ADCY7: variants seen among roughly 807,000 people sequenced by gnomAD.
The protein encoded by ADCY7 is adenylate cyclase 7.
Under a neutral mutation model 120.6 loss-of-function variants are expected in ADCY7, and 72 were observed. The observed-to-expected ratio is 0.60, with a 90% CI of 0.49 to 0.73. ADCY7 has a LOEUF of 0.73. ADCY7 is among the 30% of genes least tolerant of loss of function. The pLI, the probability that ADCY7 is intolerant of heterozygous loss-of-function variation, is 0.00. For missense variants in ADCY7, 1,227 were observed against 1,486.0 expected (o/e 0.83, Z 2.87); for synonymous variants, 661 against 628.0 (o/e 1.05, Z -0.78).
At chr16:50,246,611 C>G (rs887652915) in intron 1 of ADCY7, among the ~76,000 whole-genome samples, 1 of 152,224 alleles carries the variant, frequency 6.6e-6, no homozygotes, top group Non-Finnish European at 1.5e-5. Flanking sequence ...AAACACTGCA[C>G]AGGGTAGCAG....
chr16:50,305,429 C>A, intron 12 of ADCY7, 74 bp from the exon 13 acceptor site: 2 of 1,344,970 alleles, frequency 1.5e-6, no homozygotes, highest in South Asian at 1.2e-5. Flanking sequence ...CCACTGGTGT[C>A]TACGTCCACA....
intron 10 of ADCY7, among the ~76,000 whole-genome samples, chr16:50,303,680 C>A (rs995564050): frequency 6.6e-6 from 1 of 152,168 alleles, no homozygotes; most frequent in Non-Finnish European, 1.5e-5. Flanking sequence ...CCTGGCTGAA[C>A]TACTGAGTGT....
chr16:50,266,754 G>A (rs1386390899), intron 1 of ADCY7, 74 bp downstream of exon 1: 1 of 152,656 alleles, frequency 6.6e-6, no homozygotes, highest in African/African-American at 2.4e-5. Flanking sequence ...GCTGGACAGT[G>A]GGTGGGAAGC....
Position 50,294,703 on chromosome 16 carries a change from G to A in ADCY7, c.900G>A (p.Leu300=). The A allele has an allele frequency of 6.2e-7, 1 of 1,613,786 alleles. No individual in the cohort carries two copies. The highest frequency in any genetic ancestry group is 8.5e-7 in the Non-Finnish European group (1 of 1,179,830). Residue 300 remains leucine (L), a synonymous_variant, in exon 7 of 26, where the codon CTG becomes CTA. Coordinates refer to ENST00000673801, the MANE Select transcript of ADCY7 (RefSeq NM_001114.5). ...CCAGCGACTGTTCTCCCAAGGAGCT[G>A]GTGGTGGTGCTGAATGAGCTCTTTG... ...QLASDCSPKE[L]VVVLNELFGK...
intron 7 of ADCY7, among the ~76,000 whole-genome samples, chr16:50,296,906 G>C (rs1196356795): frequency 6.6e-6 from 1 of 152,250 alleles, no homozygotes; most frequent in Non-Finnish European, 1.5e-5. Flanking sequence ...CAGAGGGCCT[G>C]TCTAGCCTGG....
At chr16:50,265,228 T>TGA, upstream of ADCY7, among the ~76,000 whole-genome samples, 1 of 152,242 alleles carries the variant, frequency 6.6e-6, no homozygotes, top group African/African-American at 2.4e-5. Flanking sequence ...TTCCCCTCTT[T>TGA]TGATGATGAT....
At chr16:50,250,760 CTG>C (rs146681561) in intron 1 of ADCY7, among the ~76,000 whole-genome samples, 1,623 of 152,148 alleles carry the variant, frequency 0.011, 31 homozygotes, top group African/African-American at 0.037. Context: ...GATCTGATAA[CTG>C]TTTATATGAG....
At chr16:50,257,244 C>CA (rs1433375963) in intron 1 of ADCY7, among the ~76,000 whole-genome samples, 2 of 144,174 alleles carry the variant, frequency 1.4e-5, no homozygotes, top group South Asian at 2.3e-4. Flanking sequence ...CCACCACCAA[C>CA]AAAAAAATCC....
intron 11 of ADCY7, 150 bp downstream of exon 11, chr16:50,304,701 G>A: frequency 9.6e-7 from 1 of 1,041,180 alleles, no homozygotes; most frequent in East Asian, 2.6e-5. Context: ...GGGCTGGAGA[G>A]GAAGCAAAGA....
At chr16:50,280,746 C>T (rs2034207339) in intron 1 of ADCY7, among the ~76,000 whole-genome samples, 1 of 152,196 alleles carries the variant, frequency 6.6e-6, no homozygotes, top group Non-Finnish European at 1.5e-5. Flanking sequence ...ATTCAGCCTC[C>T]ACCCCCAGCC....
chr16:50,310,599 G>C, intron 18 of ADCY7, 88 bp from the exon 19 acceptor site: 1 of 1,598,904 alleles, frequency 6.3e-7, no homozygotes. Flanking sequence ...CTGAGGTGCA[G>C]GGAGTGGGGC....
upstream of ADCY7, among the ~76,000 whole-genome samples, chr16:50,262,015 A>G (rs1432075098): frequency 2.0e-5 from 3 of 152,300 alleles, no homozygotes; most frequent in African/African-American, 7.2e-5. Context: ...TTCCCCCAGT[A>G]AGGGCTCGAC....
chr16:50,314,929 G>A lies in ADCY7; in HGVS notation c.2972-85G>A, dbSNP rs993672964. 29 of 1,557,612 alleles carry A rather than the reference G, an allele frequency of 1.9e-5. No homozygotes were observed. The African/African-American group carries it at 3.5e-4, about 19-fold the overall frequency. On this transcript the variant is annotated intron_variant, in intron 24 of 25. Transcript: ENST00000673801. ...TTGTTTTGTCCCCGCATCCTGTGCT[G>A]GGGTATGGATTCTCTGGCCTCCTCT...
At chr16:50,260,780 C>T (rs1193583417) in intron 1 of ADCY7, among the ~76,000 whole-genome samples, 2 of 152,200 alleles carry the variant, frequency 1.3e-5, no homozygotes, top group Non-Finnish European at 1.5e-5. Context: ...ACACAGATCC[C>T]TCCTTGGGGC....
chr16:50,314,909 T>G, intron 24 of ADCY7, 105 bp from the exon 25 acceptor site: 1 of 1,478,866 alleles, frequency 6.8e-7, no homozygotes, highest in South Asian at 1.3e-5. Flanking sequence ...TCTAGTTGTT[T>G]TGTCCCCGCA....
intron 18 of ADCY7, chr16:50,310,316 G>A (rs934457328): frequency 4.4e-5 from 32 of 734,332 alleles, no homozygotes; most frequent in Non-Finnish European, 6.4e-5. Context: ...TCTTTATTCT[G>A]GGGGCTGGGG....
chr16:50,251,249 A>G (rs1458917915), intron 1 of ADCY7, among the ~76,000 whole-genome samples: 1 of 152,090 alleles, frequency 6.6e-6, no homozygotes, highest in Non-Finnish European at 1.5e-5. Context: ...TAAAAAAAAA[A>G]AGAAAGAAAA....
At chr16:50,305,733 C>A in intron 13 of ADCY7, 44 bp from the exon 14 acceptor site, 3 of 1,551,812 alleles carry the variant, frequency 1.9e-6, no homozygotes, top group South Asian at 1.1e-5. Context: ...AGGGAATGGA[C>A]CCCTTCCCAG....
chr16:50,306,436 G>A (rs1407955854), intron 14 of ADCY7, among the ~76,000 whole-genome samples: 2 of 152,182 alleles, frequency 1.3e-5, no homozygotes, highest in Non-Finnish European at 2.9e-5. Flanking sequence ...CTTCCTAGGT[G>A]AGGTCACGAG....
Sources: allele counts gnomAD v4.1 joint callset (sites outside exome capture counted in the v4.1 genomes callset), GRCh38; gene constraint gnomAD v4.1.1; transcripts MANE v1.5; gene names NCBI Gene and HGNC (gene_info 2026-07-23, HGNC 2026-07-21).